The following TRPC5 variants were observed in gnomAD, a reference collection of about 807,000 sequenced individuals.
TRPC5 encodes short transient receptor potential channel 5.
In TRPC5, 9 loss-of-function variants were observed where a neutral mutation model predicts 56.5. That is an observed-to-expected ratio of 0.16 (90% CI 0.10 to 0.28). TRPC5 has a LOEUF of 0.28. Among genes scored for constraint, TRPC5 ranks in the 10% least tolerant of loss-of-function variants. The pLI is 1.00. For synonymous variants in TRPC5, 282 were observed against 278.5 expected, an observed-to-expected ratio of 1.01 and a Z score of -0.13; for missense variants, 469 against 748.9, an observed-to-expected ratio of 0.63 and a Z score of 4.36.
chrX:111,825,652 T>C (rs761987331), intron 7 of TRPC5, among the ~76,000 whole-genome samples: 78 of 111,688 alleles, frequency 7.0e-4, no homozygotes, highest in African/African-American at 2.4e-3. Flanking sequence ...TGAGACAACT[T>C]AGAGATTAGC....
intron 1 of TRPC5, among the ~76,000 whole-genome samples, chrX:111,986,872 G>C (rs908403995): frequency 9.0e-6 from 1 of 111,430 alleles, no homozygotes; most frequent in Non-Finnish European, 1.9e-5. Flanking sequence ...TCAGTCCTAT[G>C]GATACAGGAG....
chrX:111,815,010 G>C (rs1324194530), intron 7 of TRPC5, among the ~76,000 whole-genome samples: 3 of 111,425 alleles, frequency 2.7e-5, no homozygotes, highest in African/African-American at 9.8e-5. Context: ...AGAGATCCCA[G>C]CTATTTGCAG....
At chrX:111,950,662 T>C (rs750073945) in intron 2 of TRPC5, among the ~76,000 whole-genome samples, 16 of 112,109 alleles carry the variant, frequency 1.4e-4, no homozygotes, top group Non-Finnish European at 2.1e-4. Flanking sequence ...TCTATGGAAA[T>C]TTAAGAACAA....
chrX:111,975,829 GA>G (rs1405152682), intron 1 of TRPC5, among the ~76,000 whole-genome samples: 2 of 112,086 alleles, frequency 1.8e-5, no homozygotes, highest in African/African-American at 6.5e-5. Context: ...GAGCAAAGCG[GA>G]GAGGCGGAGC....
chrX:112,004,560 G>A (rs1273956886), intron 1 of TRPC5, among the ~76,000 whole-genome samples: 4 of 111,881 alleles, frequency 3.6e-5, no homozygotes, highest in Non-Finnish European at 7.5e-5. Flanking sequence ...AGCATCACTT[G>A]GGAATTTGTT....
chrX:112,005,765 C>T (rs901487041), intron 1 of TRPC5, among the ~76,000 whole-genome samples: 5 of 111,584 alleles, frequency 4.5e-5, no homozygotes, highest in Non-Finnish European at 9.4e-5. Flanking sequence ...TAGGGTGAGC[C>T]ACTTCTGTGA....
At chrX:111,777,025 T>G (rs1399164382) in intron 10 of TRPC5, 23 bp from the exon 11 acceptor site, 1 of 1,091,547 alleles carries the variant, frequency 9.2e-7, no homozygotes, top group East Asian at 3.0e-5. Context: ...AGGAGACATA[T>G]TATGTCAAGA....
chrX:111,777,248 G>T (rs929940504), intron 10 of TRPC5, among the ~76,000 whole-genome samples: 2 of 111,575 alleles, frequency 1.8e-5, no homozygotes, highest in Non-Finnish European at 3.8e-5. Flanking sequence ...CTTTAGCAGG[G>T]ATTAGTCTGT....
chrX:111,788,703 A>C (rs1365222602), intron 7 of TRPC5, among the ~76,000 whole-genome samples: 1 of 112,125 alleles, frequency 8.9e-6, no homozygotes, highest in Non-Finnish European at 1.9e-5. Context: ...GCTGATACGC[A>C]ACTTCAACAA....
chrX:112,012,919 G>A (rs1929028364), intron 1 of TRPC5, among the ~76,000 whole-genome samples: 2 of 111,477 alleles, frequency 1.8e-5, no homozygotes, highest in Admixed American at 1.9e-4. Context: ...CCTACCATGA[G>A]GAAATACTCC....
In TRPC5 at chrX:111,917,700, A is replaced by G. The variant is rs138417914; in HGVS notation, c.379-4888T>C. On this transcript the variant is annotated intron_variant, in intron 2 of 10. Coordinates refer to ENST00000262839, the MANE Select transcript of TRPC5 (RefSeq NM_012471.3). ...GTTGAAACCAAGAGTGGACAGGATC[A>G]GCCTCTGCCTGCCCTTGTTTCCTCA... Among the ~76,000 whole-genome samples the G allele has an allele frequency of 2.0e-4, 22 of 112,448 alleles. 1 individual carries two copies. In the East Asian group the frequency reaches 6.2e-3, roughly 32 times the overall value.
At chrX:112,044,395 C>G (rs1929970359) in intron 1 of TRPC5, among the ~76,000 whole-genome samples, 1 of 111,629 alleles carries the variant, frequency 9.0e-6, no homozygotes, top group Non-Finnish European at 1.9e-5. Flanking sequence ...AGGAAAAAGG[C>G]TTGGATTTTA....
chrX:111,896,419 C>G (rs1377200568), intron 3 of TRPC5: 9 of 108,546 alleles, frequency 8.3e-5, no homozygotes, highest in African/African-American at 3.0e-4. Context: ...GCGTTCACAT[C>G]CTGTTTGGAA....
At chrX:111,880,047 T>C (rs1924136093) in intron 3 of TRPC5, among the ~76,000 whole-genome samples, 1 of 112,017 alleles carries the variant, frequency 8.9e-6, no homozygotes, top group East Asian at 2.8e-4. Flanking sequence ...AATCTCTGTT[T>C]TCATATTTTT....
In TRPC5 at chrX:111,886,294, T is replaced by C. The variant is rs1013445340; in HGVS notation, c.900+25997A>G. Among the ~76,000 whole-genome samples the C allele has an allele frequency of 8.0e-5, 9 of 112,176 alleles. No homozygotes were observed. The East Asian group carries it at 2.5e-3, about 32-fold the overall frequency. ...AAACTCTGTCAATAAAATAAAATAATGTTTTTTCTTCCATCCGGCCTACTT... is the reference window on the plus strand; with the variant it reads ...AAACTCTGTCAATAAAATAAAATAACGTTTTTTCTTCCATCCGGCCTACTT... On this transcript the variant is annotated intron_variant, in intron 3 of 10. Transcript: ENST00000262839.
At chrX:111,915,308 C>T (rs1340754054) in intron 2 of TRPC5, among the ~76,000 whole-genome samples, 1 of 111,783 alleles carries the variant, frequency 8.9e-6, no homozygotes, top group Admixed American at 9.5e-5. Flanking sequence ...ATTCTCCATT[C>T]GGCTTCCTGA....
chrX:111,851,508 G>T (rs1327749805), intron 5 of TRPC5, among the ~76,000 whole-genome samples: 1 of 95,248 alleles, frequency 1.0e-5, no homozygotes, highest in Non-Finnish European at 2.0e-5. Context: ...AAGTATTAAG[G>T]TGGTGTGTGT....
intron 3 of TRPC5, among the ~76,000 whole-genome samples, chrX:111,881,710 T>C (rs1210838904): frequency 9.1e-6 from 1 of 110,465 alleles, no homozygotes; most frequent in Non-Finnish European, 1.9e-5. Context: ...CGCAGTGTGG[T>C]TAAGGTAAGT....
intron 7 of TRPC5, 91 bp downstream of exon 7, chrX:111,834,830 A>G: frequency 1.5e-6 from 1 of 663,910 alleles, no homozygotes; most frequent in Non-Finnish European, 2.3e-6. Context: ...GAGGCAGACG[A>G]ACTCTTTCAT....
Sources: gnomAD v4.1 joint callset for allele counts (sites outside exome capture counted in the v4.1 genomes callset) on GRCh38, gnomAD v4.1.1 for gene constraint, MANE v1.5 for transcripts, NCBI Gene and HGNC (gene_info 2026-07-23, HGNC 2026-07-21) for gene names.